The following EBF2 variants were observed in gnomAD, a reference collection of about 807,000 sequenced individuals.
EBF2 encodes the protein EBF transcription factor 2, also known as transcription factor COE2.
A neutral mutation model predicts 72.8 loss-of-function variants in EBF2; 21 were observed. The ratio of observed to expected loss-of-function variants is 0.29; its 90% CI spans 0.20 to 0.42. EBF2 has a LOEUF of 0.42. Ranked by LOEUF, EBF2 falls within the 10% of genes least tolerant of loss-of-function variation. The pLI is 1.00. For synonymous variants in EBF2, 299 were observed against 274.2 expected, an observed-to-expected ratio of 1.09 and a Z score of -0.89; for missense variants, 637 against 731.2, an observed-to-expected ratio of 0.87 and a Z score of 1.49.
chr8:25,901,267 C>T (rs1802947513), intron 7 of EBF2, among the ~76,000 whole-genome samples: 1 of 151,830 alleles, frequency 6.6e-6, no homozygotes, highest in African/African-American at 2.4e-5. Flanking sequence ...ATAAAAAATA[C>T]AAAAATTAGC....
At chr8:26,019,636 C>T (rs1158547435) in intron 6 of EBF2, among the ~76,000 whole-genome samples, 7 of 152,178 alleles carry the variant, frequency 4.6e-5, no homozygotes, top group Non-Finnish European at 2.9e-5. Flanking sequence ...GAAATTCCCA[C>T]CTCTTGTTCT....
chr8:25,849,886 C>T (rs1801924465), intron 15 of EBF2, among the ~76,000 whole-genome samples: 1 of 152,150 alleles, frequency 6.6e-6, no homozygotes. Flanking sequence ...CTGCTGGCTC[C>T]TGTCCATGTA....
chr8:25,946,677 C>T (rs1288273376), intron 6 of EBF2, among the ~76,000 whole-genome samples: 6 of 152,210 alleles, frequency 3.9e-5, no homozygotes. Flanking sequence ...GCCCAGACAA[C>T]TCCCTCTGCC....
chr8:25,953,158 C>T (rs545701196), intron 6 of EBF2, among the ~76,000 whole-genome samples: 2 of 152,330 alleles, frequency 1.3e-5, no homozygotes, highest in East Asian at 3.9e-4. Context: ...CACAGCTCTG[C>T]ATACACCACT....
intron 14 of EBF2, among the ~76,000 whole-genome samples, chr8:25,854,886 A>T (rs1802055394): frequency 6.6e-6 from 1 of 152,218 alleles, no homozygotes; most frequent in Admixed American, 6.5e-5. Context: ...GTAGGAATCT[A>T]TGAGGACAAG....
intron 10 of EBF2, among the ~76,000 whole-genome samples, chr8:25,883,827 G>A (rs1374661098): frequency 6.6e-6 from 1 of 152,196 alleles, no homozygotes; most frequent in African/African-American, 2.4e-5. Context: ...GATACCAGAA[G>A]CTCTACATGT....
At chr8:26,010,360 GC>G (rs1751112943) in intron 6 of EBF2, among the ~76,000 whole-genome samples, 1 of 152,214 alleles carries the variant, frequency 6.6e-6, no homozygotes. Flanking sequence ...GCCCATCAGG[GC>G]GAACCACTGC....
intron 6 of EBF2, among the ~76,000 whole-genome samples, chr8:25,957,305 G>A (rs1429543762): frequency 6.6e-6 from 1 of 152,156 alleles, no homozygotes; most frequent in Non-Finnish European, 1.5e-5. Flanking sequence ...GTCTTCACAA[G>A]AGTTTCAGCA....
At chr8:25,945,577 C>G (rs1803755310) in intron 6 of EBF2, among the ~76,000 whole-genome samples, 5 of 151,756 alleles carry the variant, frequency 3.3e-5, no homozygotes, top group Admixed American at 6.6e-5. Flanking sequence ...ACAGAACCAA[C>G]TATTTCTTTC....
chr8:25,908,489 G>T lies in EBF2; in HGVS notation c.618C>A (p.Asp206Glu). 1 of 1,613,528 alleles carries T rather than the reference G, an allele frequency of 6.2e-7. No individual in the cohort carries two copies. The highest frequency in any genetic ancestry group is 2.2e-5 in the East Asian group (1 of 44,870). The change falls in exon 7 of 16, where the codon GAC becomes GAA. Residue 206 changes from aspartate to glutamate, a missense_variant. By Grantham distance (45) the Asp-to-Glu change is conservative (BLOSUM62 2). Around this residue, in one of 3 missense-constraint regions of EBF2, gnomAD observed 204 missense variants for 301.2 expected, o/e 0.68. Transcript: ENST00000520164. ...GGCCCCTTACCTGAAACCGTCTCAT[G>T]TCCCTTGGGTTTCCTGCTGTTTTCA... is the stretch of plus-strand genomic sequence containing the variant. ...NCLKTAGNPR[D>E]MRRFQVVLST...
intron 5 of EBF2, among the ~76,000 whole-genome samples, chr8:26,036,930 G>T (rs183500138): frequency 9.9e-5 from 15 of 151,958 alleles, no homozygotes; most frequent in Non-Finnish European, 1.6e-4. Context: ...ATAAAACAAA[G>T]AGAAGAGGAA....
intron 6 of EBF2, among the ~76,000 whole-genome samples, chr8:25,991,761 G>T (rs367625306): frequency 1.3e-5 from 2 of 152,140 alleles, no homozygotes; most frequent in South Asian, 4.2e-4. Context: ...AAGGAGAATC[G>T]CTTGTACCCA....
At chr8:26,007,590 G>A (rs1042650394) in intron 6 of EBF2, among the ~76,000 whole-genome samples, 1 of 152,124 alleles carries the variant, frequency 6.6e-6, no homozygotes, top group Non-Finnish European at 1.5e-5. Flanking sequence ...TGCTGGGGAA[G>A]GGTTTCACTG....
chr8:25,983,688 G>A (rs1156879045), intron 6 of EBF2, among the ~76,000 whole-genome samples: 1 of 152,186 alleles, frequency 6.6e-6, no homozygotes, highest in Non-Finnish European at 1.5e-5. Context: ...CACAACCCCG[G>A]GCTCTAGCTG....
rs374201980 is a variant in EBF2, at chr8:25,889,792, G to C, written c.711C>G (p.Ser237=). The C allele has an allele frequency of 4.0e-5, 65 of 1,614,004 alleles. No homozygotes were observed. The African/African-American group carries it at 8.1e-4, about 20-fold the overall frequency. ...GTCTTCTTGCTCTCCGTCCATGCTTGGAGTTGTTATGAACAAACATGTTGT... is the reference window on the plus strand; with the variant it reads ...GTCTTCTTGCTCTCCGTCCATGCTTCGAGTTGTTATGAACAAACATGTTGT... ...VSDNMFVHNN[S]KHGRRARRLD... Residue 237 remains serine, a synonymous_variant, in exon 8 of 16, where the codon TCC becomes TCG. Coordinates refer to ENST00000520164, the MANE Select transcript of EBF2 (RefSeq NM_022659.4).
At chr8:26,038,963 C>T (rs760421683) in intron 5 of EBF2, among the ~76,000 whole-genome samples, 12 of 152,196 alleles carry the variant, frequency 7.9e-5, no homozygotes, top group Non-Finnish European at 1.5e-4. Context: ...AGTTAGGAGA[C>T]ATTGACTAAA....
At chr8:26,004,352 C>G (rs1392757899) in intron 6 of EBF2, among the ~76,000 whole-genome samples, 6 of 152,090 alleles carry the variant, frequency 3.9e-5, no homozygotes, top group Admixed American at 3.9e-4. Flanking sequence ...AAATTGTACT[C>G]AAAGTGTAAT....
Position 26,045,038 on chromosome 8 carries a change from G to A in EBF2, c.-179C>T. 1 of 652,864 alleles carries A rather than the reference G, an allele frequency of 1.5e-6. No homozygotes were observed. Among genetic ancestry groups the A allele is most frequent in the Non-Finnish European group, 2.5e-6 (1 of 400,706 alleles). 40.4% of individuals were successfully genotyped at this position (652,864 alleles called of 1,614,324 possible). A position where few individuals can be genotyped will look rare whatever the true frequency, so the allele number is the denominator to read the frequency against. ...AACCCGTCCTTTGCTTCACTGGCGA[G>A]GTGCGGACTGATGTAGTCAAAGTTT... On this transcript the variant is annotated 5_prime_UTR_variant, in exon 1 of 16. Transcript: ENST00000520164.
At chr8:25,859,993 A>G (rs1802181945) in intron 13 of EBF2, among the ~76,000 whole-genome samples, 1 of 152,096 alleles carries the variant, frequency 6.6e-6, no homozygotes, top group African/African-American at 2.4e-5. Flanking sequence ...CTGGGATTAC[A>G]AGCGTGAGCC....
Sources: gnomAD v4.1 joint callset for allele counts (sites outside exome capture counted in the v4.1 genomes callset) on GRCh38, gnomAD v4.1.1 for gene constraint, gnomAD v4.1.1 regional missense constraint, MANE v1.5 for transcripts, NCBI Gene and HGNC (gene_info 2026-07-23, HGNC 2026-07-21) for gene names.